Variants in NUMB observed in about 807,000 individuals in gnomAD.
NUMB encodes the protein NUMB endocytic adaptor protein.
Under a neutral mutation model 59.7 loss-of-function variants are expected in NUMB, and 29 were observed. The observed-to-expected ratio is 0.49, with a 90% CI of 0.36 to 0.66. The LOEUF (loss-of-function observed/expected upper bound fraction) is 0.66. NUMB is among the 30% of genes least tolerant of loss of function. The pLI is 0.00. For missense variants in NUMB, 723 were observed against 822.0 expected (o/e 0.88, Z 1.47); for synonymous variants, 288 against 288.2 (o/e 1.00, Z 0.01).
chr14:73,282,527 G>A, intron 10 of NUMB, 22 bp from the exon 11 acceptor site: 1 of 1,607,286 alleles, frequency 6.2e-7, no homozygotes, highest in Non-Finnish European at 8.5e-7. Context: ...ACAGAAAATG[G>A]CTCCAGACAG....
chr14:73,455,592 T>C (rs1326806361), intron 1 of NUMB, among the ~76,000 whole-genome samples: 1 of 152,250 alleles, frequency 6.6e-6, no homozygotes, highest in Non-Finnish European at 1.5e-5. Context: ...CTGTCACATA[T>C]TACCACTATT....
intron 4 of NUMB, among the ~76,000 whole-genome samples, chr14:73,336,412 C>G (rs2139964064): frequency 6.6e-6 from 1 of 152,300 alleles, no homozygotes; most frequent in East Asian, 1.9e-4. Context: ...TGATAATCAG[C>G]TATTGCGTGC....
At chr14:73,301,618 T>C (rs1890133504) in intron 6 of NUMB, among the ~76,000 whole-genome samples, 1 of 152,110 alleles carries the variant, frequency 6.6e-6, no homozygotes. Context: ...TTAAACAATT[T>C]TTTGTAGAGA....
rs148750034 is a variant in NUMB, at chr14:73,403,012, C to T, written c.-101+6925G>A. Among the ~76,000 whole-genome samples, 61 of 152,240 alleles carry T rather than the reference C, an allele frequency of 4.0e-4. 1 individual carries two copies. Among genetic ancestry groups the T allele is most frequent in the African/African-American group, 1.4e-3 (59 of 41,546 alleles). On this transcript the variant is annotated intron_variant, in intron 2 of 12. Transcript: ENST00000555238. ...TTACTCAAAAGGCCATTCCCAAATC[C>T]CTACTCCCTCCTTGCCTCTCATTAC...
At chr14:73,390,339 G>GA (rs1895777716) in intron 2 of NUMB, among the ~76,000 whole-genome samples, 1 of 152,116 alleles carries the variant, frequency 6.6e-6, no homozygotes, top group Admixed American at 6.5e-5. Flanking sequence ...AATGTAGTTT[G>GA]AAAAAACATT....
Position 73,346,287 on chromosome 14 carries a change from T to C in NUMB, c.126+9339A>G, listed in dbSNP as rs374738945. Among the ~76,000 whole-genome samples the C allele has an allele frequency of 1.5e-4, 23 of 152,022 alleles. No homozygotes were observed. In the East Asian group the frequency reaches 4.1e-3, roughly 27 times the overall value. On this transcript the variant is annotated intron_variant, in intron 4 of 12. Transcript: ENST00000555238. Reference sequence around the variant, plus strand: ...CTGAGGTCGGGAGTTCGAGACCAGCTTGACCAACATGGAGAAACCCCCGTC... The same window carrying C: ...CTGAGGTCGGGAGTTCGAGACCAGCCTGACCAACATGGAGAAACCCCCGTC...
intron 4 of NUMB, among the ~76,000 whole-genome samples, chr14:73,351,442 C>T (rs1351994164): frequency 2.0e-5 from 3 of 152,006 alleles, no homozygotes; most frequent in Non-Finnish European, 4.4e-5. Flanking sequence ...GAGCTGAGAT[C>T]GCGCCACTGC....
chr14:73,438,545 C>T (rs1054392462), intron 1 of NUMB, among the ~76,000 whole-genome samples: 9 of 150,284 alleles, frequency 6.0e-5, no homozygotes, highest in African/African-American at 1.2e-4. Flanking sequence ...GCACGGGAAT[C>T]GCTTGACCCC....
chr14:73,438,630 C>CAAAA (rs35633693), intron 1 of NUMB, among the ~76,000 whole-genome samples: 5 of 66,654 alleles, frequency 7.5e-5, no homozygotes, highest in Non-Finnish European at 1.1e-4. Flanking sequence ...GACTCTGCCT[C>CAAAA]AAAAAAAAAA....
intron 2 of NUMB, among the ~76,000 whole-genome samples, chr14:73,389,271 T>TG (rs1895708569): frequency 3.8e-5 from 1 of 26,208 alleles, no homozygotes; most frequent in Non-Finnish European, 5.8e-5. Context: ...ACTCCATCTC[T>TG]CAAAAAAAAA....
chr14:73,316,095 C>G (rs1214140207), intron 6 of NUMB, among the ~76,000 whole-genome samples: 2 of 152,036 alleles, frequency 1.3e-5, no homozygotes, highest in South Asian at 4.2e-4. Context: ...AGGCTGGTCT[C>G]GAACTCCTCA....
intron 1 of NUMB, among the ~76,000 whole-genome samples, chr14:73,428,729 T>TCC (rs1897692453): frequency 6.6e-6 from 1 of 152,082 alleles, no homozygotes; most frequent in Non-Finnish European, 1.5e-5. Flanking sequence ...AGGCTTGAGC[T>TCC]TGAGCTCAGG....
At chr14:73,356,746 G>A (rs946716161) in intron 3 of NUMB, among the ~76,000 whole-genome samples, 1 of 152,294 alleles carries the variant, frequency 6.6e-6, no homozygotes, top group African/African-American at 2.4e-5. Context: ...AGGCTGGAGT[G>A]TAGTGGCGTG....
At chr14:73,327,074 C>T (rs541842186) in intron 4 of NUMB, among the ~76,000 whole-genome samples, 2 of 152,182 alleles carry the variant, frequency 1.3e-5, no homozygotes, top group South Asian at 2.1e-4. Context: ...GTTCTTTCCA[C>T]ATTTTTTCCT....
chr14:73,455,303 C>G (rs1272416440), intron 1 of NUMB, among the ~76,000 whole-genome samples: 3 of 152,182 alleles, frequency 2.0e-5, no homozygotes, highest in Non-Finnish European at 4.4e-5. Flanking sequence ...GTTTTCAATA[C>G]TGCTTCCTGT....
intron 6 of NUMB, among the ~76,000 whole-genome samples, chr14:73,312,116 G>A (rs887703503): frequency 7.9e-5 from 12 of 152,174 alleles, no homozygotes; most frequent in African/African-American, 2.9e-4. Context: ...AAAGAATTCT[G>A]GGTGCTGTGG....
intron 4 of NUMB, among the ~76,000 whole-genome samples, chr14:73,353,468 A>C (rs1266930825): frequency 6.6e-6 from 1 of 151,202 alleles, no homozygotes; most frequent in Non-Finnish European, 1.5e-5. Flanking sequence ...TCTTAGGATG[A>C]CCACTTATGC....
intron 1 of NUMB, among the ~76,000 whole-genome samples, chr14:73,451,246 G>A (rs1483663793): frequency 1.3e-5 from 2 of 151,110 alleles, no homozygotes; most frequent in East Asian, 3.8e-4. Flanking sequence ...TACCAGCCTG[G>A]CCAATATGGT....
intron 6 of NUMB, among the ~76,000 whole-genome samples, chr14:73,312,449 C>T (rs1424011309): frequency 1.3e-5 from 2 of 152,078 alleles, no homozygotes; most frequent in Non-Finnish European, 2.9e-5. Flanking sequence ...CACAGTTGCT[C>T]ATGCTTGTAA....
Sources: gnomAD v4.1 joint callset for allele counts (sites outside exome capture counted in the v4.1 genomes callset) on GRCh38, gnomAD v4.1.1 for gene constraint, MANE v1.5 for transcripts, NCBI Gene and HGNC (gene_info 2026-07-23, HGNC 2026-07-21) for gene names.